The following PCDHGA4 variants were observed in gnomAD, a reference collection of about 807,000 sequenced individuals.
PCDHGA4 encodes the protein protocadherin gamma-A4.
In PCDHGA4, 38 loss-of-function variants were observed where a neutral mutation model predicts 54.6. That is an observed-to-expected ratio of 0.70 (90% CI 0.54 to 0.91). PCDHGA4 has a LOEUF of 0.91. PCDHGA4 is among the 40% of genes least tolerant of loss of function. The pLI is 0.00. For synonymous variants in PCDHGA4, 511 were observed against 512.9 expected (o/e 1.00, Z 0.05); for missense variants, 1,298 against 1,220.9 (o/e 1.06, Z -0.94).
intron 1 of PCDHGA4, chr5:141,415,152 C>T (rs758450562): frequency 6.2e-7 from 1 of 1,613,812 alleles, no homozygotes; most frequent in Admixed American, 1.7e-5. Context: ...CCCCTCTCTC[C>T]GCCACTGTCA....
At position 141,485,359 on chromosome 5, in the gene PCDHGA4, C is replaced by G. The variant is rs1233826208; in HGVS notation, c.2515-9448C>G. 6.2e-7 allele frequency: 1 copy of G among 1,614,026 alleles called. No individual in the cohort carries two copies. The highest frequency in any genetic ancestry group is 8.5e-7 in the Non-Finnish European group (1 of 1,180,018). On this transcript the variant is annotated intron_variant, in intron 1 of 3. Transcript: ENST00000571252. This position sits in a 1 kb window ranked among gnomAD's most constrained non-coding sequence, Gnocchi z 5.7. ...TGGATACGGACAGTCTGTCAGCTCG[C>G]AGGCTGCAGGTCGCTGGAGAGGTGA...
At chr5:141,410,515 G>T in intron 1 of PCDHGA4, 1 of 1,613,946 alleles carries the variant, frequency 6.2e-7, no homozygotes, top group South Asian at 1.1e-5. Flanking sequence ...AATGCAGTGT[G>T]CCCCTACATT....
intron 1 of PCDHGA4, chr5:141,370,705 T>A: frequency 6.2e-7 from 1 of 1,613,842 alleles, no homozygotes; most frequent in Non-Finnish European, 8.5e-7. Context: ...ACGTGTGTTC[T>A]GGAATTTGAA....
At chr5:141,365,716 A>G (rs1764073601) in intron 1 of PCDHGA4, 6 of 1,613,740 alleles carry the variant, frequency 3.7e-6, no homozygotes, top group Non-Finnish European at 5.1e-6. Flanking sequence ...CCTCTGTCAC[A>G]GAAAACAATC....
intron 1 of PCDHGA4, chr5:141,421,455 C>G (rs762490406): frequency 6.2e-6 from 10 of 1,614,108 alleles, no homozygotes; most frequent in South Asian, 1.1e-5. Flanking sequence ...CACAGCTTTT[C>G]GCTGTGAATC....
chr5:141,419,207 CCGGTTTTCGGACAGT>C, intron 1 of PCDHGA4: 5 of 1,613,998 alleles, frequency 3.1e-6, no homozygotes, highest in Non-Finnish European at 4.2e-6. Flanking sequence ...TGACAACGCG[CCGGTTTTCGGACAGT>C]CAGCCTACCT....
In PCDHGA4 at chr5:141,441,656, CT is replaced by C. The variant is rs200391207; in HGVS notation, c.2515-53149del. 8.0e-3 allele frequency: 1,976 copies of C among 247,682 alleles called. 54 individuals carry two copies. The highest frequency in any genetic ancestry group is 0.043 in the African/African-American group (1,846 of 42,486). The allele number at this position is 247,682 out of a possible 1,614,324, so 15.3% of individuals were successfully genotyped here. A position where few individuals can be genotyped will look rare whatever the true frequency, so the allele number is the denominator to read the frequency against. On this transcript the variant is annotated intron_variant, in intron 1 of 3. Coordinates refer to ENST00000571252, the MANE Select transcript of PCDHGA4 (RefSeq NM_018917.4). ...CACAGGCGCTGTGATTCTAGGTGTC[CT>C]TGAGCGCACAGTGCGCCTTCGACCA...
chr5:141,419,243 C>T (rs959206942), intron 1 of PCDHGA4: 2 of 1,613,998 alleles, frequency 1.2e-6, no homozygotes, highest in East Asian at 4.5e-5. Flanking sequence ...GGTCCACGTG[C>T]CAGAAAACAA....
intron 1 of PCDHGA4, among the ~76,000 whole-genome samples, chr5:141,474,102 AAAC>A (rs909174523): frequency 2.6e-4 from 40 of 152,286 alleles, no homozygotes; most frequent in African/African-American, 8.7e-4. Flanking sequence ...ACAACAACAA[AAAC>A]AACAACAACG....
chr5:141,402,897 C>T (rs1177256058), intron 1 of PCDHGA4: 6 of 1,508,528 alleles, frequency 4.0e-6, no homozygotes, highest in Admixed American at 4.7e-5. Flanking sequence ...AAGAAAGAAC[C>T]TGATGAAGCA....
intron 1 of PCDHGA4, chr5:141,385,616 A>G: frequency 1.8e-6 from 2 of 1,098,642 alleles, no homozygotes; most frequent in Non-Finnish European, 2.3e-6. Context: ...TATATTTTAT[A>G]CATTGGAATG....
Position 141,419,025 on chromosome 5 carries a change from G to T in PCDHGA4, c.2514+61404G>T, listed in dbSNP as rs2096315076. 6.2e-6 allele frequency: 10 copies of T among 1,613,736 alleles called. No homozygotes were observed. In the East Asian group the frequency reaches 2.0e-4, roughly 32 times the overall value. On this transcript the variant is annotated intron_variant, in intron 1 of 3. Transcript: ENST00000571252. ...GAAGTCAGGTGTAGCTTAAGTAGAG[G>T]TGTTCCATTTAAGATTCATTCTTCT...
rs143252334 is a variant in PCDHGA4 at position 141,431,395 on chromosome 5, T to A, written c.2515-63412T>A. On this transcript the variant is annotated intron_variant, in intron 1 of 3. Transcript: ENST00000571252. The surrounding 1 kb of genome is among the most constrained non-coding windows in gnomAD (Gnocchi z 4.8). ...AAAAGGCTGCTCACCACCTGGTCCT[T>A]ACGGCCTCCGACGGGGGCGACCCGG... 2 of 1,613,720 alleles carry A rather than the reference T, an allele frequency of 1.2e-6. No individual in the cohort carries two copies. Among genetic ancestry groups the A allele is most frequent in the African/African-American group, 2.7e-5 (2 of 74,950 alleles).
intron 1 of PCDHGA4, among the ~76,000 whole-genome samples, chr5:141,451,090 A>G (rs2098706546): frequency 6.6e-6 from 1 of 151,864 alleles, no homozygotes; most frequent in Non-Finnish European, 1.5e-5. Context: ...GACCTCCCAA[A>G]GTGTTGGGAT....
intron 1 of PCDHGA4, chr5:141,433,292 C>A: frequency 9.2e-7 from 1 of 1,082,526 alleles, no homozygotes; most frequent in South Asian, 1.6e-5. Context: ...CTCCTAGGCT[C>A]AAGCAATTAT....
At chr5:141,420,001 C>T in intron 1 of PCDHGA4, 1 of 1,614,084 alleles carries the variant, frequency 6.2e-7, no homozygotes, top group Non-Finnish European at 8.5e-7. Flanking sequence ...TTGCTCTACG[C>T]CTGCGACAGT....
At chr5:141,455,534 A>G (rs985347185) in intron 1 of PCDHGA4, among the ~76,000 whole-genome samples, 1 of 152,178 alleles carries the variant, frequency 6.6e-6, no homozygotes, top group Non-Finnish European at 1.5e-5. Flanking sequence ...GACCAGGCAT[A>G]TCATTCACGT....
intron 1 of PCDHGA4, chr5:141,371,027 C>T (rs1393819856): frequency 6.2e-7 from 1 of 1,613,874 alleles, no homozygotes; most frequent in African/African-American, 1.3e-5. Context: ...ACCACCTGGT[C>T]CTCACAGCTG....
intron 1 of PCDHGA4, chr5:141,419,370 A>G (rs1460064670): frequency 1.9e-6 from 3 of 1,613,574 alleles, no homozygotes; most frequent in African/African-American, 2.7e-5. Context: ...CTGTCGTCCT[A>G]CGTGTCCGTG....
Sources: gnomAD v4.1 joint callset for allele counts (sites outside exome capture counted in the v4.1 genomes callset) on GRCh38, gnomAD v4.1.1 for gene constraint, Gnocchi (gnomAD v3.1) non-coding constraint, MANE v1.5 for transcripts, NCBI Gene and HGNC (gene_info 2026-07-23, HGNC 2026-07-21) for gene names.